TRAPPC10: variants seen among roughly 807,000 people sequenced by gnomAD.
TRAPPC10 encodes the protein trafficking protein particle complex subunit 10, also known as TRAPP 130 kDa subunit.
A neutral mutation model predicts 125.5 loss-of-function variants in TRAPPC10; 23 were observed. The ratio of observed to expected loss-of-function variants is 0.18; its 90% confidence interval spans 0.13 to 0.26. The LOEUF (loss-of-function observed/expected upper bound fraction) is 0.26. Among genes scored for constraint, TRAPPC10 ranks in the 10% least tolerant of loss-of-function variants. The pLI is 1.00. For synonymous variants in TRAPPC10, 509 were observed against 518.0 expected, an observed-to-expected ratio of 0.98 and a Z score of 0.24; for missense variants, 1,123 against 1,308.4, an observed-to-expected ratio of 0.86 and a Z score of 2.19.
At chr21:44,068,902 G>A (rs1279207341) in intron 7 of TRAPPC10, among the ~76,000 whole-genome samples, 1 of 151,928 alleles carries the variant, frequency 6.6e-6, no homozygotes, top group Admixed American at 6.6e-5. Context: ...GCACCCAGCC[G>A]GCAGATTTTA....
In TRAPPC10 at chr21:44,037,927, T is replaced by C; in HGVS notation, c.285T>C (p.Cys95=). The change falls in exon 3 of 23, where the codon TGT becomes TGC. Residue 95 remains cysteine (C), a splice_region_variant and synonymous_variant. Transcript: ENST00000291574. ...PFLHIYWTEC[C]DTEVYKATVK... is the part of the protein sequence containing the mutation. ...TCCATATTTACTGGACAGAGTGCTGTGTGAGTACCAGCAGGGGAAGAGGAT... is the reference window on the plus strand; with the variant it reads ...TCCATATTTACTGGACAGAGTGCTGCGTGAGTACCAGCAGGGGAAGAGGAT... 1.2e-6 allele frequency: 2 copies of C among 1,613,130 alleles called. No homozygotes were observed. The highest frequency in any genetic ancestry group is 8.5e-7 in the Non-Finnish European group (1 of 1,179,680).
chr21:44,041,888 G>T (rs959084549), intron 3 of TRAPPC10, among the ~76,000 whole-genome samples: 12 of 151,878 alleles, frequency 7.9e-5, no homozygotes, highest in South Asian at 6.2e-4. Flanking sequence ...ACCATGCCCG[G>T]CTAATTTTTG....
Position 44,046,522 on chromosome 21 carries a change from TGG to T in TRAPPC10, c.286-5753_286-5752del, listed in dbSNP as rs35262400. Reference sequence around the variant, plus strand: ...TACCTTTAAGTTTTTTTTTTTTTTTTGGGGGGAGGATTGAATTTCGCTCTTGT... The same window carrying T: ...TACCTTTAAGTTTTTTTTTTTTTTTTGGGGAGGATTGAATTTCGCTCTTGT... On this transcript the variant is annotated intron_variant, in intron 3 of 22. Transcript: ENST00000291574. The T allele has an allele frequency of 3.3e-3, 534 of 163,100 alleles. 16 individuals carry two copies. The highest frequency in any genetic ancestry group is 0.02 in the South Asian group (141 of 7,038). The allele number at this position is 163,100 out of a possible 1,614,324, so 10.1% of individuals were successfully genotyped here. A position where few individuals can be genotyped will look rare whatever the true frequency, so the allele number is the denominator to read the frequency against.
chr21:44,066,461 G>A (rs1001105707), intron 7 of TRAPPC10, among the ~76,000 whole-genome samples: 11 of 152,208 alleles, frequency 7.2e-5, no homozygotes, highest in South Asian at 4.1e-4. Flanking sequence ...GGTAACACCC[G>A]TGAAGTGAGG....
At chr21:44,077,599 A>G (rs539880518) in intron 10 of TRAPPC10, 94 bp from the exon 11 acceptor site, 3 of 1,010,278 alleles carry the variant, frequency 3.0e-6, no homozygotes, top group African/African-American at 1.6e-5. Flanking sequence ...CAAAAACCCA[A>G]CAATGTCTTT....
At position 44,087,385 on chromosome 21, in the gene TRAPPC10, G is replaced by T. The variant is rs1373466405; in HGVS notation, c.2540-314G>T. Among the ~76,000 whole-genome samples, 1 of 152,210 alleles carries T rather than the reference G, an allele frequency of 6.6e-6. No individual in the cohort carries two copies. The highest frequency in any genetic ancestry group is 1.5e-5 in the Non-Finnish European group (1 of 68,026). ...GGGGAGGACCCTGCTCCCCTGGGGT[G>T]GGGGTGGATCTGCGGATGAGCTGGA... On this transcript the variant is annotated intron_variant, in intron 16 of 22. Transcript: ENST00000291574. The surrounding 1 kb of genome is among the most constrained non-coding windows in gnomAD (Gnocchi z 4.6).
intron 1 of TRAPPC10, among the ~76,000 whole-genome samples, chr21:44,024,190 C>T (rs2032839617): frequency 6.6e-6 from 1 of 152,318 alleles, no homozygotes; most frequent in East Asian, 1.9e-4. Flanking sequence ...CAGCTCCATC[C>T]TCTGTGTTTT....
intron 15 of TRAPPC10, among the ~76,000 whole-genome samples, chr21:44,086,333 CCTGA>C (rs1213508321): frequency 3.3e-5 from 5 of 152,360 alleles, no homozygotes. Context: ...GGGGGAGCCA[CCTGA>C]CTGCTGACTG....
At chr21:44,057,553 G>A (rs958086147) in intron 5 of TRAPPC10, among the ~76,000 whole-genome samples, 2 of 152,036 alleles carry the variant, frequency 1.3e-5, no homozygotes, top group African/African-American at 4.8e-5. Flanking sequence ...GCAAAGTGCT[G>A]GAATTACAAG....
chr21:44,067,618 G>T (rs559398839), intron 7 of TRAPPC10, among the ~76,000 whole-genome samples: 20 of 152,288 alleles, frequency 1.3e-4, no homozygotes, highest in African/African-American at 4.1e-4. Context: ...CATAAATGAA[G>T]AGGAAAGGGC....
At position 44,015,677 on chromosome 21, in the gene TRAPPC10, C is replaced by T. The variant is rs568446733; in HGVS notation, c.67+3117C>T. Among the ~76,000 whole-genome samples the T allele has an allele frequency of 2.3e-3, 348 of 151,380 alleles. 1 individual carries two copies. The highest frequency in any genetic ancestry group is 8.2e-3 in the African/African-American group (337 of 41,200). On this transcript the variant is annotated intron_variant, in intron 1 of 22. Transcript: ENST00000291574. ...TTGCCCAGGCTGGAGTGCAGTGGCG[C>T]GATCTCGGCTCACTGCAACTTCTGC...
intron 20 of TRAPPC10, among the ~76,000 whole-genome samples, chr21:44,095,580 T>C (rs1281678377): frequency 1.4e-5 from 2 of 144,706 alleles, no homozygotes; most frequent in Non-Finnish European, 3.1e-5. Context: ...TTTTGTTTTT[T>C]TGAGACAGAG....
chr21:44,042,182 C>G (rs1684062257), intron 3 of TRAPPC10, among the ~76,000 whole-genome samples: 1 of 151,842 alleles, frequency 6.6e-6, no homozygotes, highest in South Asian at 2.1e-4. Flanking sequence ...TTATTTTCTT[C>G]TTTTTGTTTT....
chr21:44,030,222 A>G (rs1454680024), intron 1 of TRAPPC10, among the ~76,000 whole-genome samples: 3 of 150,892 alleles, frequency 2.0e-5, no homozygotes, highest in Non-Finnish European at 4.4e-5. Flanking sequence ...TTGCAAAGAT[A>G]GAATGTGAGA....
intron 1 of TRAPPC10, among the ~76,000 whole-genome samples, chr21:44,023,213 T>A (rs950177927): frequency 4.0e-5 from 6 of 151,500 alleles, no homozygotes; most frequent in African/African-American, 1.5e-4. Context: ...TTTGTATTTT[T>A]AGTAGAGATG....
chr21:44,013,765 C>G (rs907151369), intron 1 of TRAPPC10, among the ~76,000 whole-genome samples: 2 of 152,210 alleles, frequency 1.3e-5, no homozygotes, highest in African/African-American at 4.8e-5. Context: ...AGATGATAGA[C>G]TTTTCTTAGG....
Position 44,062,366 on chromosome 21 carries a change from A to G in TRAPPC10, c.791-1172A>G, listed in dbSNP as rs188330657. Among the ~76,000 whole-genome samples, 23 of 152,318 alleles carry G rather than the reference A, an allele frequency of 1.5e-4. No homozygotes were observed. The East Asian group carries it at 3.9e-3, about 26-fold the overall frequency. On this transcript the variant is annotated intron_variant, in intron 6 of 22. Coordinates refer to ENST00000291574, the MANE Select transcript of TRAPPC10 (RefSeq NM_003274.5). ...AGGGGAAACAGGCACAGAAAAGTAA[A>G]TCTATCACTTGCTGTCCATAATAGT...
At chr21:44,047,960 A>G (rs1057494494) in intron 3 of TRAPPC10, among the ~76,000 whole-genome samples, 1 of 152,138 alleles carries the variant, frequency 6.6e-6, no homozygotes. Flanking sequence ...TTATGATTTG[A>G]TAGGTCTGGA....
At chr21:44,045,826 G>A (rs931829263) in intron 3 of TRAPPC10, among the ~76,000 whole-genome samples, 1 of 152,044 alleles carries the variant, frequency 6.6e-6, no homozygotes, top group Non-Finnish European at 1.5e-5. Flanking sequence ...AAAGTGCTGG[G>A]ATTACAGGCG....
Sources: gnomAD v4.1 joint callset for allele counts (sites outside exome capture counted in the v4.1 genomes callset) on GRCh38, gnomAD v4.1.1 for gene constraint, Gnocchi (gnomAD v3.1) non-coding constraint, MANE v1.5 for transcripts, NCBI Gene and HGNC (gene_info 2026-07-23, HGNC 2026-07-21) for gene names.